The following SLC2A13 variants were observed in gnomAD, a reference collection of about 807,000 sequenced individuals.
SLC2A13 encodes the protein proton myo-inositol cotransporter.
Under a neutral mutation model 64.4 loss-of-function variants are expected in SLC2A13, and 32 were observed. The ratio of observed to expected loss-of-function variants is 0.50; its 90% confidence interval spans 0.37 to 0.67. SLC2A13 has a LOEUF of 0.67. SLC2A13 is among the 30% of genes least tolerant of loss of function. SLC2A13 has a pLI of 0.00. For missense variants in SLC2A13, 743 were observed against 829.2 expected, an observed-to-expected ratio of 0.90 and a Z score of 1.28; for synonymous variants, 338 against 327.1, an observed-to-expected ratio of 1.03 and a Z score of -0.36.
At chr12:39,794,294 T>C (rs1941504033) in intron 7 of SLC2A13, among the ~76,000 whole-genome samples, 1 of 152,136 alleles carries the variant, frequency 6.6e-6, no homozygotes, top group Admixed American at 6.6e-5. Flanking sequence ...CATTTTCTGT[T>C]GCATTTTGAG....
intron 2 of SLC2A13, among the ~76,000 whole-genome samples, chr12:40,040,179 C>G (rs545600528): frequency 6.6e-6 from 1 of 152,288 alleles, no homozygotes; most frequent in African/African-American, 2.4e-5. Flanking sequence ...CCTAATAGCA[C>G]TGAAGAGTTT....
At chr12:39,921,878 T>C (rs998088612) in intron 4 of SLC2A13, among the ~76,000 whole-genome samples, 1 of 152,106 alleles carries the variant, frequency 6.6e-6, no homozygotes, top group African/African-American at 2.4e-5. Flanking sequence ...ACCCACTTAA[T>C]GTAAATATGG....
At chr12:40,013,329 A>G (rs1193845930) in intron 3 of SLC2A13, among the ~76,000 whole-genome samples, 2 of 152,232 alleles carry the variant, frequency 1.3e-5, no homozygotes, top group Non-Finnish European at 2.9e-5. Flanking sequence ...ATATTATTGA[A>G]TGAATACTTT....
At chr12:40,098,203 G>A (rs1939027787) in intron 1 of SLC2A13, among the ~76,000 whole-genome samples, 1 of 152,090 alleles carries the variant, frequency 6.6e-6, no homozygotes, top group African/African-American at 2.4e-5. Context: ...TCTATCATAT[G>A]CTACACCATG....
chr12:40,094,141 A>G (rs1371538143), intron 1 of SLC2A13, among the ~76,000 whole-genome samples: 1 of 152,210 alleles, frequency 6.6e-6, no homozygotes, highest in African/African-American at 2.4e-5. Context: ...TAAGGGGCAC[A>G]TGAGGTAGTC....
chr12:40,076,762 ACCACCAG>A (rs1938194283), intron 1 of SLC2A13, among the ~76,000 whole-genome samples: 1 of 152,148 alleles, frequency 6.6e-6, no homozygotes, highest in African/African-American at 2.4e-5. Flanking sequence ...TTACATTACC[ACCACCAG>A]CACTGTATGT....
At chr12:40,032,127 T>C (rs1394412675) in intron 2 of SLC2A13, among the ~76,000 whole-genome samples, 1 of 152,204 alleles carries the variant, frequency 6.6e-6, no homozygotes, top group Non-Finnish European at 1.5e-5. Flanking sequence ...ATCTGGACTC[T>C]GGGCCCAGGG....
chr12:39,907,612 A>C (rs566833085), intron 4 of SLC2A13: 2 of 152,256 alleles, frequency 1.3e-5, no homozygotes, highest in South Asian at 4.1e-4. Flanking sequence ...GAGTGTTAAG[A>C]TTACAATTCC....
intron 3 of SLC2A13, among the ~76,000 whole-genome samples, chr12:40,003,411 C>T (rs1322573277): frequency 4.6e-5 from 7 of 152,156 alleles, no homozygotes; most frequent in Non-Finnish European, 1.0e-4. Flanking sequence ...CAACACTTAA[C>T]CAAAAAGTGA....
At chr12:39,782,147 A>G (rs1322651899) in intron 7 of SLC2A13, among the ~76,000 whole-genome samples, 1 of 152,182 alleles carries the variant, frequency 6.6e-6, no homozygotes, top group Admixed American at 6.5e-5. Flanking sequence ...TTTTAACTTA[A>G]GGAAGTCTTG....
chr12:39,760,114 T>A lies in SLC2A13; in HGVS notation c.1859A>T (p.Asp620Val), dbSNP rs759202222. 2 of 1,612,996 alleles carry A rather than the reference T, an allele frequency of 1.2e-6. No homozygotes were observed. Among genetic ancestry groups the A allele is most frequent in the South Asian group, 2.2e-5 (2 of 91,046 alleles). Reference protein sequence around the residue: ...DNRLCTCGTSDSDEGRYIEYI... With the variant: ...DNRLCTCGTSVSDEGRYIEYI... ...TTCAATATATCTCCCTTCATCAGAATCTGAAGTGCCACATGTACATAGCCT... is the reference window on the plus strand; with the variant it reads ...TTCAATATATCTCCCTTCATCAGAAACTGAAGTGCCACATGTACATAGCCT... Residue 620 changes from aspartate (D) to valine (V), a missense_variant, in exon 10 of 10, where the codon GAT (aspartate) becomes GTT (valine). By Grantham distance (152) the Asp-to-Val change is radical. This residue lies in a region of SLC2A13 where 295 missense variants were observed against 381.7 expected (regional missense o/e 0.77). Transcript: ENST00000280871.
intron 7 of SLC2A13, among the ~76,000 whole-genome samples, chr12:39,786,980 G>GT (rs1941210277): frequency 1.2e-5 from 1 of 85,120 alleles, no homozygotes; most frequent in East Asian, 2.9e-4. Flanking sequence ...TATTTTCTGT[G>GT]TTTTTTCTTT....
chr12:40,075,905 G>A (rs926876614), intron 1 of SLC2A13, among the ~76,000 whole-genome samples: 1 of 151,458 alleles, frequency 6.6e-6, no homozygotes, highest in African/African-American at 2.4e-5. Flanking sequence ...TTTTCCATTT[G>A]AGTCCTTTAT....
In SLC2A13 at chr12:40,105,898, C is replaced by G. The variant is rs1015890851; in HGVS notation, c.-90G>C. 2.4e-6 allele frequency: 3 copies of G among 1,250,490 alleles called. No homozygotes were observed. Among genetic ancestry groups the G allele is most frequent in the Middle Eastern group, 3.1e-4 (1 of 3,266 alleles). The allele number at this position is 1,250,490 out of a possible 1,614,324, so 77.5% of individuals were successfully genotyped here. On this transcript the variant is annotated 5_prime_UTR_variant, in exon 1 of 10. Coordinates refer to ENST00000280871, the MANE Select transcript of SLC2A13 (RefSeq NM_052885.4). This position sits in a 1 kb window ranked among gnomAD's most constrained non-coding sequence, Gnocchi z 4.2. ...GACAGCCCGAGCCGGCGGGAGCAAC[C>G]GCCGCTGCCGCCGCTTTCTTCCTCC...
At chr12:39,882,128 T>C (rs1319078120) in intron 4 of SLC2A13, among the ~76,000 whole-genome samples, 2 of 152,168 alleles carry the variant, frequency 1.3e-5, no homozygotes, top group Non-Finnish European at 2.9e-5. Flanking sequence ...TCATCACTCA[T>C]TCCTGCCCCT....
intron 3 of SLC2A13, among the ~76,000 whole-genome samples, chr12:39,984,273 T>A (rs1479988660): frequency 2.0e-5 from 3 of 151,824 alleles, no homozygotes; most frequent in Non-Finnish European, 4.4e-5. Flanking sequence ...AGCACATGTA[T>A]ACATATGTAA....
intron 7 of SLC2A13, among the ~76,000 whole-genome samples, chr12:39,792,558 A>C (rs1353501312): frequency 6.6e-6 from 1 of 152,176 alleles, no homozygotes; most frequent in Non-Finnish European, 1.5e-5. Flanking sequence ...AATTCTAGAT[A>C]CTAAGCCTCT....
chr12:39,769,996 C>A (rs1940503830), intron 7 of SLC2A13, among the ~76,000 whole-genome samples: 1 of 152,052 alleles, frequency 6.6e-6, no homozygotes, highest in Non-Finnish European at 1.5e-5. Context: ...CTCTGTGGTG[C>A]TTGACATTGC....
intron 1 of SLC2A13, among the ~76,000 whole-genome samples, chr12:40,079,421 G>A (rs552297096): frequency 3.3e-5 from 5 of 152,296 alleles, no homozygotes; most frequent in Middle Eastern, 3.4e-3. Flanking sequence ...ACAGTTTGGG[G>A]GATCTTCTTG....
Sources: allele counts gnomAD v4.1 joint callset (sites outside exome capture counted in the v4.1 genomes callset), GRCh38; gene constraint gnomAD v4.1.1; regional missense constraint gnomAD v4.1.1; non-coding constraint Gnocchi (gnomAD v3.1); transcripts MANE v1.5; gene names NCBI Gene and HGNC (gene_info 2026-07-23, HGNC 2026-07-21).